Variants in DDIT4L observed in about 807,000 individuals in gnomAD.
The protein encoded by DDIT4L is DNA damage inducible transcript 4 like.
In DDIT4L, 13 loss-of-function variants were observed where a neutral mutation model predicts 15.9. That is an observed-to-expected ratio of 0.82 (90% CI 0.53 to 1.30). DDIT4L has a LOEUF of 1.30. Ranked by LOEUF, DDIT4L falls within the 50% of genes most tolerant of loss-of-function variation. DDIT4L has a pLI of 0.00. For missense variants in DDIT4L, 235 were observed against 224.8 expected, an observed-to-expected ratio of 1.05 and a Z score of -0.29; for synonymous variants, 82 against 85.4, an observed-to-expected ratio of 0.96 and a Z score of 0.22.
At chr4:100,190,185 C>T (rs1723493111) in intron 1 of DDIT4L, 118 bp downstream of exon 1, 1 of 566,082 alleles carries the variant, frequency 1.8e-6, no homozygotes, top group East Asian at 3.1e-5. Context: ...TTGACAAAGC[C>T]CTGGGAGCGG....
intron 2 of DDIT4L, among the ~76,000 whole-genome samples, chr4:100,189,358 C>T (rs1307907595): frequency 6.6e-6 from 1 of 152,086 alleles, no homozygotes; most frequent in Non-Finnish European, 1.5e-5. Context: ...ACAATAAACA[C>T]GAACACACTG....
At position 100,187,910 on chromosome 4, in the gene DDIT4L, C is replaced by T. The variant is rs1378221053; in HGVS notation, c.349G>A (p.Val117Ile). 16 of 1,613,912 alleles carry T rather than the reference C, an allele frequency of 9.9e-6. No individual in the cohort carries two copies. Among genetic ancestry groups the T allele is most frequent in the Middle Eastern group, 1.6e-4 (1 of 6,084 alleles). ...VMHVNLEIEN[V>I]CKKLDRIVCD... is the part of the protein sequence containing the mutation. ...ACAATCCTATCCAGCTTTTTACATA[C>T]ATTTTCAATTTCCAAGTTCACGTGC... The change falls in exon 3 of 3, where the codon GTA becomes ATA. Residue 117 changes from valine (V) to isoleucine (I), a missense_variant. Physicochemically the swap from Val to Ile is conservative, Grantham distance 29 (BLOSUM62 3). Coordinates refer to ENST00000273990, the MANE Select transcript of DDIT4L (RefSeq NM_145244.4).
chr4:100,186,790 T>A lies in DDIT4L; in HGVS notation c.*887A>T, dbSNP rs560586907. ...AATGGTTCATCTGAGATTAAGCACA[T>A]GTAATACTGAAAAGAGGATAGATTA... On this transcript the variant is annotated 3_prime_UTR_variant, in exon 3 of 3. Coordinates refer to ENST00000273990, the MANE Select transcript of DDIT4L (RefSeq NM_145244.4). 6.6e-6 allele frequency: 1 copy of A among 152,326 alleles called. No individual in the cohort carries two copies. Among genetic ancestry groups the A allele is most frequent in the South Asian group, 2.1e-4 (1 of 4,824 alleles). 9.4% of individuals were successfully genotyped at this position (152,326 alleles called of 1,614,324 possible).
In DDIT4L at chr4:100,187,933, T is replaced by A; in HGVS notation, c.326A>T (p.His109Leu). The A allele has an allele frequency of 2.5e-6, 4 of 1,614,150 alleles. No individual in the cohort carries two copies. Among genetic ancestry groups the A allele is most frequent in the Non-Finnish European group, 3.4e-6 (4 of 1,180,040 alleles). ...EPCGLRGCVM[H>L]VNLEIENVCK... The stretch of plus-strand genomic sequence containing the variant: ...TACATTTTCAATTTCCAAGTTCACG[T>A]GCATAACACAACCTCGCAAGCCGCA... The change falls in exon 3 of 3, where the codon CAC becomes CTC. Residue 109 changes from histidine (H) to leucine (L), a missense_variant. Coordinates refer to ENST00000273990, the MANE Select transcript of DDIT4L (RefSeq NM_145244.4).
chr4:100,189,357 A>G (rs939197701), intron 2 of DDIT4L, among the ~76,000 whole-genome samples: 4 of 152,178 alleles, frequency 2.6e-5, no homozygotes, highest in African/African-American at 9.7e-5. Flanking sequence ...AACAATAAAC[A>G]CGAACACACT....
Position 100,187,888 on chromosome 4 carries a change from A to G in DDIT4L, c.371T>C (p.Ile124Thr), listed in dbSNP as rs1401816356. Residue 124 changes from isoleucine (I) to threonine (T), a missense_variant, in exon 3 of 3, where the codon ATT (isoleucine) becomes ACT (threonine). Ile to Thr is a moderately conservative substitution (Grantham distance 89). Coordinates refer to ENST00000273990, the MANE Select transcript of DDIT4L (RefSeq NM_145244.4). Reference sequence around the variant, plus strand: ...AGGTACGACGCTAGAATCACACACAATCCTATCCAGCTTTTTACATACATT... The same window carrying G: ...AGGTACGACGCTAGAATCACACACAGTCCTATCCAGCTTTTTACATACATT... ...IENVCKKLDRIVCDSSVVPTF... is the reference protein window; with the variant it reads ...IENVCKKLDRTVCDSSVVPTF... 1.2e-6 allele frequency: 2 copies of G among 1,614,010 alleles called. No individual in the cohort carries two copies. Among genetic ancestry groups the G allele is most frequent in the East Asian group, 4.5e-5 (2 of 44,880 alleles).
In DDIT4L at chr4:100,187,817, T is replaced by C. The variant is rs923987695; in HGVS notation, c.442A>G (p.Thr148Ala). Residue 148 changes from threonine (T) to alanine (A), a missense_variant, in exon 3 of 3, where the codon ACT (threonine) becomes GCT (alanine). Transcript: ENST00000273990. ...LVFKQENCSW[T>A]SFRDFFFSRG... ...CTAAAGAAAAAGTCCCTGAAGCTAG[T>C]CCATGAGCAGTTCTCCTGCTTAAAC... 1 of 1,613,770 alleles carries C rather than the reference T, an allele frequency of 6.2e-7. No homozygotes were observed. Among genetic ancestry groups the C allele is most frequent in the Non-Finnish European group, 8.5e-7 (1 of 1,179,972 alleles).
At chr4:100,188,462 G>A (rs72686296) in intron 2 of DDIT4L, among the ~76,000 whole-genome samples, 3,509 of 152,246 alleles carry the variant, frequency 0.023, 60 homozygotes, top group Non-Finnish European at 0.033. Flanking sequence ...ACACACAACC[G>A]TGAAGACTAT....
chr4:100,189,906 C>T lies in DDIT4L; in HGVS notation c.78G>A (p.Glu26=), dbSNP rs752069028. ...SELLDCGYHP[E]SLLSDFDYWD... ...GGGGACACTCACCACTTAGCAGGCT[C>T]TCTGGGTGATAGCCACAGTCCAGCA... Residue 26 remains glutamate, a synonymous_variant, in exon 2 of 3, where the codon GAG becomes GAA. Transcript: ENST00000273990. 1.9e-6 allele frequency: 3 copies of T among 1,614,002 alleles called. No individual in the cohort carries two copies. Among genetic ancestry groups the T allele is most frequent in the East Asian group, 2.2e-5 (1 of 44,876 alleles).
In DDIT4L at chr4:100,186,869, G is replaced by A. The variant is rs1183632565; in HGVS notation, c.*808C>T. On this transcript the variant is annotated 3_prime_UTR_variant, in exon 3 of 3. Transcript: ENST00000273990. ...CAGAACTAATTTCCTATCCTCACAGGTATTCATCATTCACTCAATGGAAGA... is the reference window on the plus strand; with the variant it reads ...CAGAACTAATTTCCTATCCTCACAGATATTCATCATTCACTCAATGGAAGA... 1 of 152,174 alleles carries A rather than the reference G, an allele frequency of 6.6e-6. No individual in the cohort carries two copies. Among genetic ancestry groups the A allele is most frequent in the African/African-American group, 2.4e-5 (1 of 41,436 alleles). The allele number at this position is 152,174 out of a possible 1,614,324, so 9.4% of individuals were successfully genotyped here.
Position 100,188,006 on chromosome 4 carries a change from T to C in DDIT4L, c.253A>G (p.Thr85Ala), listed in dbSNP as rs756790521. 24 of 1,614,056 alleles carry C rather than the reference T, an allele frequency of 1.5e-5. No homozygotes were observed. The highest frequency in any genetic ancestry group is 1.9e-5 in the Non-Finnish European group (22 of 1,180,046). ...AGGACATCTTGAGCAATTCTCTGGGTCAGTTTCTCAGGGACAAGGACCTTT... is the reference window on the plus strand; with the variant it reads ...AGGACATCTTGAGCAATTCTCTGGGCCAGTTTCTCAGGGACAAGGACCTTT... Reference protein sequence around the residue: ...CSKVLVPEKLTQRIAQDVLRL... With the variant: ...CSKVLVPEKLAQRIAQDVLRL... The change falls in exon 3 of 3, where the codon ACC becomes GCC. Residue 85 changes from threonine to alanine, a missense_variant. Thr to Ala is a moderately conservative substitution (Grantham distance 58). Coordinates refer to ENST00000273990, the MANE Select transcript of DDIT4L (RefSeq NM_145244.4).
chr4:100,188,300 C>G, intron 2 of DDIT4L, 133 bp from the exon 3 acceptor site: 2 of 960,880 alleles, frequency 2.1e-6, no homozygotes, highest in Non-Finnish European at 3.0e-6. Flanking sequence ...TCAGAGTCAG[C>G]TGACCTCAAT....
At chr4:100,188,243 C>A in intron 2 of DDIT4L, 76 bp from the exon 3 acceptor site, 3 of 1,420,936 alleles carry the variant, frequency 2.1e-6, no homozygotes, top group Non-Finnish European at 2.9e-6. Flanking sequence ...AAGATATCAA[C>A]ATTGGTTACC....
intron 2 of DDIT4L, among the ~76,000 whole-genome samples, chr4:100,188,753 T>C (rs1723465318): frequency 6.6e-6 from 1 of 152,252 alleles, no homozygotes; most frequent in South Asian, 2.1e-4. Context: ...CTTTAAGTCT[T>C]TACTGGAGTG....
At position 100,187,748 on chromosome 4, in the gene DDIT4L, T is replaced by C. The variant is rs747752742; in HGVS notation, c.511A>G (p.Ser171Gly). Residue 171 changes from serine to glycine, a missense_variant, in exon 3 of 3, where the codon AGC (serine) becomes GGC (glycine). Coordinates refer to ENST00000273990, the MANE Select transcript of DDIT4L (RefSeq NM_145244.4). ...TTCTTAACAAGTCGAAATCCTGAGC[T>C]GAGGATCAGAGTTCTCCTGAAACCA... The part of the protein sequence containing the change: ...SSGFRRTLIL[S>G]SGFRLVKKKL... 3.7e-6 allele frequency: 6 copies of C among 1,612,232 alleles called. No homozygotes were observed. Among genetic ancestry groups the C allele is most frequent in the Middle Eastern group, 1.6e-4 (1 of 6,078 alleles).
rs1028047322 is a variant in DDIT4L at position 100,187,061 on chromosome 4, T to C, written c.*616A>G. The C allele has an allele frequency of 2.6e-5, 4 of 152,168 alleles. No homozygotes were observed. The highest frequency in any genetic ancestry group is 7.2e-5 in the African/African-American group (3 of 41,450). The allele number at this position is 152,168 out of a possible 1,614,324, so 9.4% of individuals were successfully genotyped here. A position where few individuals can be genotyped will look rare whatever the true frequency, so the allele number is the denominator to read the frequency against. On this transcript the variant is annotated 3_prime_UTR_variant, in exon 3 of 3. Coordinates refer to ENST00000273990, the MANE Select transcript of DDIT4L (RefSeq NM_145244.4). ...AGCTTTTGTTGCCTCTTTAAAACAT[T>C]AGAGTGAGGAAGTCACCAAGAAACA... is the stretch of plus-strand genomic sequence containing the variant.
Position 100,190,298 on chromosome 4 carries a change from C to G in DDIT4L, c.-50+5G>C. On this transcript the variant is annotated splice_donor_5th_base_variant and intron_variant, in intron 1 of 2. Coordinates refer to ENST00000273990, the MANE Select transcript of DDIT4L (RefSeq NM_145244.4). ...TGCCCCCACCAAGGCCGCAGCTTCG[C>G]TCACCTGCCAGGAGTTCGCGGGGGC... The G allele has an allele frequency of 2.8e-6, 1 of 362,426 alleles. No individual in the cohort carries two copies. Among genetic ancestry groups the G allele is most frequent in the Non-Finnish European group, 5.1e-6 (1 of 197,472 alleles). 22.5% of individuals were successfully genotyped at this position (362,426 alleles called of 1,614,324 possible). A position where few individuals can be genotyped will look rare whatever the true frequency, so the allele number is the denominator to read the frequency against.
At position 100,187,523 on chromosome 4, in the gene DDIT4L, T is replaced by C; in HGVS notation, c.*154A>G. On this transcript the variant is annotated 3_prime_UTR_variant, in exon 3 of 3. Transcript: ENST00000273990. ...AAGGCCAGAAAATCAGCCTGTTAGC[T>C]GCAGTTGCTATGAATGTGAAACACA... The C allele has an allele frequency of 1.2e-6, 1 of 801,462 alleles. No individual in the cohort carries two copies. Among genetic ancestry groups the C allele is most frequent in the East Asian group, 3.2e-5 (1 of 31,634 alleles). The allele number at this position is 801,462 out of a possible 1,614,324, so 49.6% of individuals were successfully genotyped here.
intron 2 of DDIT4L, among the ~76,000 whole-genome samples, chr4:100,189,635 T>C (rs1370771789): frequency 6.6e-6 from 1 of 152,210 alleles, no homozygotes; most frequent in Non-Finnish European, 1.5e-5. Context: ...TTCACAATCA[T>C]GTAAGATAAG....
Sources: gnomAD v4.1 joint callset for allele counts (sites outside exome capture counted in the v4.1 genomes callset) on GRCh38, gnomAD v4.1.1 for gene constraint, MANE v1.5 for transcripts, NCBI Gene and HGNC (gene_info 2026-07-23, HGNC 2026-07-21) for gene names.